Variants in FAF2 observed in about 807,000 individuals in gnomAD.
FAF2 encodes the protein Fas associated factor family member 2.
Under a neutral mutation model 62.3 loss-of-function variants are expected in FAF2, and 9 were observed. The observed-to-expected ratio is 0.14, with a 90% CI of 0.09 to 0.25. FAF2 has a LOEUF of 0.25. Among genes scored for constraint, FAF2 ranks in the 10% least tolerant of loss-of-function variants. FAF2 has a pLI of 1.00. For missense variants in FAF2, 368 were observed against 556.2 expected, an observed-to-expected ratio of 0.66 and a Z score of 3.40; for synonymous variants, 202 against 198.0, an observed-to-expected ratio of 1.02 and a Z score of -0.17.
At chr5:176,492,367 CG>C (rs1758987265) in intron 5 of FAF2, 35 bp downstream of exon 5, 1 of 1,585,090 alleles carries the variant, frequency 6.3e-7, no homozygotes, top group South Asian at 1.1e-5. Flanking sequence ...GCCAACTTAC[CG>C]AAATGATTCT....
At chr5:176,483,036 C>A (rs185123329) in intron 2 of FAF2, among the ~76,000 whole-genome samples, 19 of 151,286 alleles carry the variant, frequency 1.3e-4, no homozygotes, top group Admixed American at 6.6e-5. Context: ...GGCCTGTTTT[C>A]TTTTTTTTAT....
chr5:176,449,096 G>A (rs1028729281), intron 1 of FAF2, among the ~76,000 whole-genome samples: 2 of 152,188 alleles, frequency 1.3e-5, no homozygotes, highest in African/African-American at 2.4e-5. Flanking sequence ...GGATTCCTGT[G>A]CTTAACTATG....
At chr5:176,450,216 A>C (rs1758139659) in intron 1 of FAF2, among the ~76,000 whole-genome samples, 2 of 152,226 alleles carry the variant, frequency 1.3e-5, no homozygotes, top group Admixed American at 1.3e-4. Flanking sequence ...ATAAATGGAA[A>C]AATGCTGTCA....
At chr5:176,496,813 C>T in intron 8 of FAF2, 150 bp downstream of exon 8, 2 of 534,776 alleles carry the variant, frequency 3.7e-6, no homozygotes, top group Non-Finnish European at 6.2e-6. Context: ...TATTTACATA[C>T]TTTGACCTAA....
intron 10 of FAF2, among the ~76,000 whole-genome samples, chr5:176,505,740 G>T (rs571556985): frequency 2.0e-5 from 3 of 152,022 alleles, no homozygotes; most frequent in African/African-American, 4.8e-5. Context: ...TACTTACTTC[G>T]CTTAGAATAA....
chr5:176,471,880 G>A (rs12054970), intron 1 of FAF2, among the ~76,000 whole-genome samples: 13,461 of 151,078 alleles, frequency 0.089, 935 homozygotes, highest in East Asian at 0.28. Context: ...TAGTAGAGAC[G>A]GGGTTTCACC....
Position 176,483,592 on chromosome 5 carries a change from A to G in FAF2, c.133-2763A>G, listed in dbSNP as rs941488421. ...CCAAATTTCAAAGTTTGAAGCTAGT[A>G]ATTGAGTTCAGAGGGCACACTGCCC... is the stretch of plus-strand genomic sequence containing the variant. On this transcript the variant is annotated intron_variant, in intron 2 of 10. Coordinates refer to ENST00000261942, the MANE Select transcript of FAF2 (RefSeq NM_014613.3). 2.0e-5 allele frequency among the ~76,000 whole-genome samples: 3 copies of G among 152,170 alleles called. No homozygotes were observed. The South Asian group carries it at 6.2e-4, about 31-fold the overall frequency.
At chr5:176,487,841 ATGTT>A (rs1200505769) in intron 3 of FAF2, among the ~76,000 whole-genome samples, 47 of 151,556 alleles carry the variant, frequency 3.1e-4, no homozygotes, top group Admixed American at 3.1e-3. Context: ...TTAGGTTTTT[ATGTT>A]TGTTTGTTTT....
At chr5:176,487,730 G>A (rs1758899966) in intron 3 of FAF2, among the ~76,000 whole-genome samples, 1 of 151,990 alleles carries the variant, frequency 6.6e-6, no homozygotes, top group South Asian at 2.1e-4. Flanking sequence ...AGCTATATGG[G>A]GATTTGTCAT....
chr5:176,479,635 G>GCAAGAA (rs1319800363), intron 2 of FAF2, among the ~76,000 whole-genome samples: 3 of 151,958 alleles, frequency 2.0e-5, no homozygotes, highest in Admixed American at 1.3e-4. Context: ...CATTGAATTA[G>GCAAGAA]CAAGAACTTT....
chr5:176,500,116 G>A lies in FAF2; in HGVS notation c.1125G>A (p.Glu375=), dbSNP rs147370701. The A allele has an allele frequency of 3.8e-5, 61 of 1,614,168 alleles. No homozygotes were observed. The African/African-American group carries it at 6.8e-4, about 18-fold the overall frequency. Residue 375 remains glutamate (E), a synonymous_variant, in exon 10 of 11, where the codon GAG becomes GAA. Coordinates refer to ENST00000261942, the MANE Select transcript of FAF2 (RefSeq NM_014613.3). ...AATTACCTAATGATTCTCGAGTAGA[G>A]AGACGATTCCACTTTTCACAGTCTC... ...IFKLPNDSRV[E]RRFHFSQSLT...
chr5:176,455,667 T>C (rs1004592404), intron 1 of FAF2, among the ~76,000 whole-genome samples: 20 of 151,714 alleles, frequency 1.3e-4, no homozygotes, highest in Admixed American at 1.2e-3. Flanking sequence ...GAGAATTGCT[T>C]GAACCTGGGA....
intron 4 of FAF2, among the ~76,000 whole-genome samples, chr5:176,491,210 G>A (rs1167662472): frequency 1.3e-5 from 2 of 152,186 alleles, no homozygotes; most frequent in African/African-American, 2.4e-5. Flanking sequence ...TAATGCAGCT[G>A]TATCATCCAA....
At chr5:176,457,826 A>T (rs948867067) in intron 1 of FAF2, among the ~76,000 whole-genome samples, 1 of 152,074 alleles carries the variant, frequency 6.6e-6, no homozygotes, top group East Asian at 1.9e-4. Context: ...AAAGAGAACA[A>T]TTTTTCATAC....
At chr5:176,460,234 T>C (rs892599318) in intron 1 of FAF2, among the ~76,000 whole-genome samples, 1 of 152,186 alleles carries the variant, frequency 6.6e-6, no homozygotes, top group African/African-American at 2.4e-5. Flanking sequence ...TATTTTCCTT[T>C]GGGTGTATAC....
chr5:176,476,405 G>A (rs187880233), intron 1 of FAF2, among the ~76,000 whole-genome samples: 4 of 152,216 alleles, frequency 2.6e-5, no homozygotes, highest in South Asian at 2.1e-4. Context: ...ATTCTTCTAC[G>A]ATTTAAGCCC....
intron 10 of FAF2, among the ~76,000 whole-genome samples, chr5:176,503,886 G>A (rs1418991948): frequency 6.6e-6 from 1 of 152,160 alleles, no homozygotes; most frequent in Non-Finnish European, 1.5e-5. Context: ...TGCCGGCCGA[G>A]TGCGGTGGCT....
intron 5 of FAF2, among the ~76,000 whole-genome samples, chr5:176,492,718 C>G (rs1240374484): frequency 6.6e-6 from 1 of 152,216 alleles, no homozygotes; most frequent in Non-Finnish European, 1.5e-5. Context: ...GCCCCACTTA[C>G]AGCTATCCCT....
intron 2 of FAF2, 26 bp downstream of exon 2, chr5:176,479,282 A>C (rs898383084): frequency 3.2e-6 from 5 of 1,584,882 alleles, no homozygotes; most frequent in Non-Finnish European, 4.3e-6. Context: ...TTCTGAGCTT[A>C]TTTCTTTTTC....
Sources: gnomAD v4.1 joint callset for allele counts (sites outside exome capture counted in the v4.1 genomes callset) on GRCh38, gnomAD v4.1.1 for gene constraint, MANE v1.5 for transcripts, NCBI Gene and HGNC (gene_info 2026-07-23, HGNC 2026-07-21) for gene names.